Variants in CD82 observed in about 807,000 individuals in gnomAD.
The protein encoded by CD82 is CD82 antigen.
In CD82, 36 loss-of-function variants were observed where a neutral mutation model predicts 37.4. The observed-to-expected ratio is 0.96, with a 90% CI of 0.74 to 1.27. The LOEUF is 1.27. CD82 is among the 50% of genes most tolerant of loss of function. CD82 has a pLI of 0.00. For missense variants in CD82, 340 were observed against 347.0 expected (o/e 0.98, Z 0.16); for synonymous variants, 158 against 137.4 (o/e 1.15, Z -1.05).
chr11:44,612,624 T>TTTTTA (rs1853501185), intron 6 of CD82, among the ~76,000 whole-genome samples: 2 of 27,344 alleles, frequency 7.3e-5, no homozygotes, highest in Non-Finnish European at 1.5e-4. Context: ...CCAGCATTAA[T>TTTTTA]TTTTTTTTTT....
intron 1 of CD82, among the ~76,000 whole-genome samples, chr11:44,582,135 C>T (rs1204664135): frequency 2.0e-5 from 3 of 152,170 alleles, no homozygotes; most frequent in African/African-American, 7.2e-5. Context: ...ACTGTCCCCC[C>T]TGTGTGACCA....
chr11:44,600,115 A>G, intron 3 of CD82, 43 bp from the exon 4 acceptor site: 4 of 1,599,806 alleles, frequency 2.5e-6, no homozygotes, highest in Non-Finnish European at 3.4e-6. Context: ...GGGGAGGGCT[A>G]TCTGCTCTTG....
rs183054950 is a variant in CD82, at chr11:44,571,189, G to A, written c.-103+5453G>A. Among the ~76,000 whole-genome samples the A allele has an allele frequency of 1.1e-4, 17 of 152,312 alleles. No individual in the cohort carries two copies. In the East Asian group the frequency reaches 2.7e-3, roughly 24 times the overall value. ...GTTCAAATCCTGGCTCTGCCATGGAGCTACAGCATGACCTTGGCCAGAGAG... is the reference window on the plus strand; with the variant it reads ...GTTCAAATCCTGGCTCTGCCATGGAACTACAGCATGACCTTGGCCAGAGAG... On this transcript the variant is annotated intron_variant, in intron 1 of 9. Coordinates refer to ENST00000227155, the MANE Select transcript of CD82 (RefSeq NM_002231.4).
chr11:44,590,610 C>CAAAAAAAAAAAAAAA (rs56665683), intron 2 of CD82, among the ~76,000 whole-genome samples: 12 of 33,454 alleles, frequency 3.6e-4, no homozygotes, highest in African/African-American at 5.2e-4. Context: ...GATTCTGTCT[C>CAAAAAAAAAAAAAAA]AAAAAAAAAA....
chr11:44,607,506 G>A (rs950146985), intron 6 of CD82, among the ~76,000 whole-genome samples: 4 of 152,150 alleles, frequency 2.6e-5, no homozygotes, highest in East Asian at 3.8e-4. Context: ...CCAGTGAGCC[G>A]GTTTCTATGA....
At chr11:44,594,388 A>ACCAGCCCCAGCCCCAGCC (rs3837391) in intron 2 of CD82, among the ~76,000 whole-genome samples, 2 of 150,584 alleles carry the variant, frequency 1.3e-5, no homozygotes, top group African/African-American at 4.9e-5. Context: ...TTTTGCTCCC[A>ACCAGCCCCAGCCCCAGCC]CCAGCCCCAG....
At chr11:44,573,102 G>T (rs923434483) in intron 1 of CD82, 6 of 152,280 alleles carry the variant, frequency 3.9e-5, no homozygotes, top group African/African-American at 1.2e-4. Context: ...GTGGCGTGAA[G>T]CGGGGATTTG....
At chr11:44,578,507 C>T (rs1852932919) in intron 1 of CD82, among the ~76,000 whole-genome samples, 1 of 152,184 alleles carries the variant, frequency 6.6e-6, no homozygotes. Context: ...CCAGGGCCTT[C>T]TCACGGCAAT....
Position 44,597,372 on chromosome 11 carries a change from T to C in CD82, c.63+2647T>C, listed in dbSNP as rs1236251262. ...GATTGGGGAAGGGCTGGGGGAGTGA[T>C]TAACATGGGGCCTGCCCCACAGCTC... is the stretch of plus-strand genomic sequence containing the variant. On this transcript the variant is annotated intron_variant, in intron 3 of 9. Transcript: ENST00000227155. The surrounding 1 kb of genome is among the most constrained non-coding windows in gnomAD (Gnocchi z 4.1). Among the ~76,000 whole-genome samples the C allele has an allele frequency of 6.6e-6, 1 of 152,130 alleles. No homozygotes were observed. Among genetic ancestry groups the C allele is most frequent in the African/African-American group, 2.4e-5 (1 of 41,424 alleles).
intron 4 of CD82, among the ~76,000 whole-genome samples, chr11:44,602,574 A>C (rs1196168445): frequency 6.6e-6 from 1 of 152,244 alleles, no homozygotes; most frequent in Non-Finnish European, 1.5e-5. Context: ...GTGTGTTGGC[A>C]GCAGAGCTGG....
Position 44,598,400 on chromosome 11 carries a change from A to ATTTTTTTTTTTTTTTTTTTTTTT in CD82, c.64-1751_64-1729dup, listed in dbSNP as rs71038809. Among the ~76,000 whole-genome samples the ATTTTTTTTTTTTTTTTTTTTTTT allele has an allele frequency of 1.0e-4, 6 of 58,904 alleles. 1 individual carries two copies. Among genetic ancestry groups the ATTTTTTTTTTTTTTTTTTTTTTT allele is most frequent in the Admixed American group, 8.4e-4 (3 of 3,552 alleles). 38.6% of individuals were successfully genotyped at this position (58,904 alleles called of 152,430 possible). A position where few individuals can be genotyped will look rare whatever the true frequency, so the allele number is the denominator to read the frequency against. On this transcript the variant is annotated intron_variant, in intron 3 of 9. Transcript: ENST00000227155. ...CAGTTATCATGGATTTTTGGCCTTA[A>ATTTTTTTTTTTTTTTTTTTTTTT]TTTTTTTTTTTTTTTTTTTTTTTTT...
At chr11:44,575,125 T>C (rs1852871519) in intron 1 of CD82, among the ~76,000 whole-genome samples, 1 of 152,188 alleles carries the variant, frequency 6.6e-6, no homozygotes, top group African/African-American at 2.4e-5. Flanking sequence ...GAGCGTTCTG[T>C]CTGTCCCTGG....
intron 6 of CD82, among the ~76,000 whole-genome samples, chr11:44,614,262 T>C (rs895092024): frequency 2.6e-5 from 4 of 152,222 alleles, no homozygotes; most frequent in Non-Finnish European, 5.9e-5. Flanking sequence ...TCTACCCTGC[T>C]GTCTTGGGGG....
intron 2 of CD82, among the ~76,000 whole-genome samples, chr11:44,592,097 G>A (rs1258328071): frequency 6.6e-6 from 1 of 152,162 alleles, no homozygotes; most frequent in Non-Finnish European, 1.5e-5. Context: ...GGGATTACAG[G>A]CATGAGATAC....
rs7107335 is a variant in CD82 at position 44,619,090 on chromosome 11, C to T, written c.768C>T (p.Val256=). Residue 256 remains valine, a synonymous_variant, in exon 10 of 10, where the codon GTC becomes GTT. Transcript: ENST00000227155. The part of the protein sequence containing the change: ...MVLSICLCRH[V]HSEDYSKVPK... ...TGTCCATCTGCTTGTGCCGGCACGT[C>T]CATTCCGAAGACTACAGCAAGGTCC... is the stretch of plus-strand genomic sequence containing the variant. 2 of 1,613,288 alleles carry T rather than the reference C, an allele frequency of 1.2e-6. No individual in the cohort carries two copies. Among genetic ancestry groups the T allele is most frequent in the South Asian group, 1.1e-5 (1 of 91,068 alleles).
At chr11:44,606,070 C>G (rs192586961) in intron 6 of CD82, 1 of 152,508 alleles carries the variant, frequency 6.6e-6, no homozygotes, top group Non-Finnish European at 1.5e-5. Flanking sequence ...TGAGCATCCT[C>G]GCTGGGATGG....
At chr11:44,605,226 T>C in intron 5 of CD82, 44 bp downstream of exon 5, 1 of 1,607,992 alleles carries the variant, frequency 6.2e-7, no homozygotes, top group Non-Finnish European at 8.5e-7. Flanking sequence ...TTTCCTCTCA[T>C]CCAGCCGAGT....
At chr11:44,567,741 C>A (rs1318949200) in intron 1 of CD82, among the ~76,000 whole-genome samples, 1 of 152,150 alleles carries the variant, frequency 6.6e-6, no homozygotes, top group South Asian at 2.1e-4. Context: ...CCACATAAGG[C>A]CTGCACCCTC....
chr11:44,592,729 C>G (rs916504500), intron 2 of CD82, among the ~76,000 whole-genome samples: 1 of 152,198 alleles, frequency 6.6e-6, no homozygotes, highest in African/African-American at 2.4e-5. Flanking sequence ...TTTCTCCTCT[C>G]TAGGTCTGGG....
Sources: allele counts gnomAD v4.1 joint callset (sites outside exome capture counted in the v4.1 genomes callset), GRCh38; gene constraint gnomAD v4.1.1; non-coding constraint Gnocchi (gnomAD v3.1); transcripts MANE v1.5; gene names NCBI Gene and HGNC (gene_info 2026-07-23, HGNC 2026-07-21).